The following DRC2 variants were observed in gnomAD, a reference collection of about 807,000 sequenced individuals.
The protein encoded by DRC2 is dynein regulatory complex subunit 2, also known as coiled-coil domain containing 65.
At chr12:48,921,298 A>T in the DRC2 span, 1 of 1,614,222 alleles carries the variant, frequency 6.2e-7, no homozygotes, top group South Asian at 1.1e-5. Context: ...GAGATGCTGA[A>T]GCAGTACTTG....
the DRC2 span, among the ~76,000 whole-genome samples, chr12:48,913,211 A>G: frequency 1.3e-4 from 20 of 152,132 alleles, no homozygotes; most frequent in African/African-American, 4.8e-4. Context: ...CATTTCTCCA[A>G]GAATCCCTGA....
chr12:48,915,601 T>C, the DRC2 span, among the ~76,000 whole-genome samples: 3 of 152,148 alleles, frequency 2.0e-5, no homozygotes, highest in Non-Finnish European at 2.9e-5. Flanking sequence ...ATTGTCATCC[T>C]GGCCCGTTCT....
the DRC2 span, chr12:48,916,889 GAT>G: frequency 7.3e-7 from 1 of 1,377,610 alleles, no homozygotes; most frequent in East Asian, 2.3e-5. Context: ...CATTCACATA[GAT>G]TACATACTGC....
the DRC2 span, among the ~76,000 whole-genome samples, chr12:48,919,882 A>T: frequency 6.6e-6 from 1 of 151,906 alleles, no homozygotes; most frequent in Admixed American, 6.5e-5. Flanking sequence ...GCACTTTGGG[A>T]GGCCAAGGTG....
the DRC2 span, chr12:48,918,693 A>C: frequency 1.2e-6 from 2 of 1,613,346 alleles, no homozygotes; most frequent in South Asian, 2.2e-5. Flanking sequence ...AGGATGCCAT[A>C]ACTATTTCAA....
chr12:48,910,417 C>G, the DRC2 span, among the ~76,000 whole-genome samples: 3 of 152,144 alleles, frequency 2.0e-5, no homozygotes. Flanking sequence ...TCATAAGATC[C>G]TTTTATCATT....
the DRC2 span, among the ~76,000 whole-genome samples, chr12:48,917,522 C>A: frequency 1.3e-5 from 2 of 152,100 alleles, no homozygotes; most frequent in African/African-American, 4.8e-5. Flanking sequence ...GTAGAAGAGA[C>A]CCCTTTAGCC....
At chr12:48,919,049 T>C in the DRC2 span, 1 of 604,134 alleles carries the variant, frequency 1.7e-6, no homozygotes, top group Middle Eastern at 4.3e-4. Context: ...CCATGTTTCC[T>C]CCCCTCTTAC....
chr12:48,913,790 C>T, the DRC2 span, among the ~76,000 whole-genome samples: 4 of 151,652 alleles, frequency 2.6e-5, no homozygotes, highest in South Asian at 4.2e-4. Context: ...CCACCGCACC[C>T]GGCATTTTTG....
At chr12:48,916,942 A>AAG in the DRC2 span, 18 of 1,607,532 alleles carry the variant, frequency 1.1e-5, no homozygotes, top group Non-Finnish European at 1.4e-5. Flanking sequence ...TATCCCTCAG[A>AAG]GCAGGGACAG....
the DRC2 span, among the ~76,000 whole-genome samples, chr12:48,909,037 C>CTTTT: frequency 1.3e-3 from 108 of 82,378 alleles, 1 homozygote; most frequent in East Asian, 1.9e-3. Context: ...TTTTCTTTCT[C>CTTTT]TTTTTTTTTT....
the DRC2 span, among the ~76,000 whole-genome samples, chr12:48,912,880 A>G: frequency 1.3e-5 from 2 of 152,070 alleles, no homozygotes; most frequent in Admixed American, 6.6e-5. Flanking sequence ...GCTCACGCCC[A>G]TAATCCCAGA....
At chr12:48,915,280 C>G in the DRC2 span, among the ~76,000 whole-genome samples, 8 of 150,358 alleles carry the variant, frequency 5.3e-5, no homozygotes, top group African/African-American at 1.7e-4. Flanking sequence ...GTTTGTGTCC[C>G]TGGGTACTTG....
chr12:48,909,037 C>CTTTTTTTTTTTT, the DRC2 span, among the ~76,000 whole-genome samples: 16 of 82,390 alleles, frequency 1.9e-4, no homozygotes, highest in African/African-American at 3.8e-4. Flanking sequence ...TTTTCTTTCT[C>CTTTTTTTTTTTT]TTTTTTTTTT....
At chr12:48,908,604 A>ATTATTTATTTAT in the DRC2 span, among the ~76,000 whole-genome samples, 11 of 110,964 alleles carry the variant, frequency 9.9e-5, no homozygotes, top group African/African-American at 1.9e-4. Flanking sequence ...TATTATTATT[A>ATTATTTATTTAT]TTATTTATTT....
chr12:48,918,599 C>A, the DRC2 span: 1 of 1,495,082 alleles, frequency 6.7e-7, no homozygotes, highest in Non-Finnish European at 9.2e-7. Context: ...GCTCTGATTT[C>A]AGTCCCCAGG....
the DRC2 span, among the ~76,000 whole-genome samples, chr12:48,905,735 C>T: frequency 2.6e-5 from 4 of 152,134 alleles, no homozygotes; most frequent in Non-Finnish European, 5.9e-5. Context: ...TAATATTCTG[C>T]CTCCATTTAC....
At chr12:48,917,790 C>T in the DRC2 span, among the ~76,000 whole-genome samples, 4 of 152,290 alleles carry the variant, frequency 2.6e-5, no homozygotes, top group Admixed American at 2.0e-4. Context: ...GGTCTCCTGC[C>T]CCTTGATCCA....
the DRC2 span, among the ~76,000 whole-genome samples, chr12:48,906,051 G>A: frequency 1.4e-4 from 21 of 152,078 alleles, no homozygotes; most frequent in African/African-American, 4.1e-4. Context: ...GATTACAGGC[G>A]TGAGCCACTG....
Sources: gnomAD v4.1 joint callset for allele counts (sites outside exome capture counted in the v4.1 genomes callset) on GRCh38, gnomAD v4.1.1 for gene constraint, MANE v1.5 for transcripts, NCBI Gene and HGNC (gene_info 2026-07-23, HGNC 2026-07-21) for gene names.